PCDHGA9: variants seen among roughly 807,000 people sequenced by gnomAD.
PCDHGA9 encodes protocadherin gamma subfamily A, 9.
PCDHGA9 carries 37 observed loss-of-function variants against 62.5 expected under a neutral mutation model. That is an observed-to-expected ratio of 0.59 (90% confidence interval 0.46 to 0.78). The LOEUF (loss-of-function observed/expected upper bound fraction) is 0.78. Ranked by LOEUF, PCDHGA9 falls within the 30% of genes least tolerant of loss-of-function variation. The probability of loss-of-function intolerance (pLI) is 0.00; values close to 1 mark genes in which losing one functional copy is unlikely to be tolerated. For missense variants in PCDHGA9, 1,138 were observed against 1,166.2 expected (o/e 0.98, Z 0.35); for synonymous variants, 459 against 484.6 (o/e 0.95, Z 0.69).
chr5:141,427,103 G>A (rs1216465844), intron 1 of PCDHGA9: 3 of 457,888 alleles, frequency 6.6e-6, no homozygotes, highest in Non-Finnish European at 1.3e-5. Flanking sequence ...GTGTCAATGC[G>A]GAGATCACCT....
chr5:141,501,374 T>A (rs2099808767), intron 2 of PCDHGA9, among the ~76,000 whole-genome samples: 1 of 151,106 alleles, frequency 6.6e-6, no homozygotes. Context: ...CATCATCTCT[T>A]AAATCCTAGG....
At chr5:141,497,733 T>G (rs2099779006) in intron 2 of PCDHGA9, among the ~76,000 whole-genome samples, 2 of 152,078 alleles carry the variant, frequency 1.3e-5, no homozygotes, top group Non-Finnish European at 2.9e-5. Context: ...AGAGATGGGT[T>G]TCGCCACGTT....
chr5:141,489,894 G>T lies in PCDHGA9; in HGVS notation c.2425-4913G>T. 1.2e-6 allele frequency: 2 copies of T among 1,614,204 alleles called. No homozygotes were observed. Among genetic ancestry groups the T allele is most frequent in the Non-Finnish European group, 1.7e-6 (2 of 1,180,028 alleles). The stretch of plus-strand genomic sequence containing the variant: ...TGGTGCTTACTGCTGTGGATGGGGG[G>T]ACCCCAGCCCGCTCAGGGACCACCC... On this transcript the variant is annotated intron_variant, in intron 1 of 3. Transcript: ENST00000573521. The surrounding 1 kb of genome is among the most constrained non-coding windows in gnomAD (Gnocchi z 4.5).
At position 141,473,164 on chromosome 5, in the gene PCDHGA9, G is replaced by A. The variant is rs190029663; in HGVS notation, c.2425-21643G>A. Among the ~76,000 whole-genome samples the A allele has an allele frequency of 1.6e-3, 241 of 152,250 alleles. 5 individuals carry two copies. The highest frequency in any genetic ancestry group is 2.1e-4 in the Non-Finnish European group (14 of 68,014). ...TCTTCAGATCACTAGGGCTAGGAAG[G>A]CCCACTGGTAACTTGAAGGAGTAAA... On this transcript the variant is annotated intron_variant, in intron 1 of 3. Transcript: ENST00000573521.
intron 1 of PCDHGA9, among the ~76,000 whole-genome samples, chr5:141,450,397 C>T (rs529143168): frequency 6.6e-6 from 1 of 152,300 alleles, no homozygotes; most frequent in South Asian, 2.1e-4. Flanking sequence ...TTTGTAAAGA[C>T]TAGAAGCCAT....
chr5:141,477,571 C>A lies in PCDHGA9; in HGVS notation c.2425-17236C>A, dbSNP rs1470454976. ...TAAACCTAAGTGTCTGGGACCCCGA[C>A]GCCCCGCAGAATGCTCGGCTTTCTT... is the stretch of plus-strand genomic sequence containing the variant. On this transcript the variant is annotated intron_variant, in intron 1 of 3. Coordinates refer to ENST00000573521, the MANE Select transcript of PCDHGA9 (RefSeq NM_018921.3). The surrounding 1 kb of genome is among the most constrained non-coding windows in gnomAD (Gnocchi z 4.9). The A allele has an allele frequency of 3.1e-6, 5 of 1,614,042 alleles. No homozygotes were observed. In the South Asian group the frequency reaches 4.4e-5, roughly 14 times the overall value.
intron 1 of PCDHGA9, among the ~76,000 whole-genome samples, chr5:141,467,075 C>A (rs2099136382): frequency 6.9e-6 from 1 of 145,470 alleles, no homozygotes; most frequent in Non-Finnish European, 1.5e-5. Flanking sequence ...TTTTTTTAGA[C>A]CAAGTCTCAC....
chr5:141,411,193 AAAAC>A (rs1267742802), intron 1 of PCDHGA9: 2 of 152,212 alleles, frequency 1.3e-5, no homozygotes, highest in African/African-American at 4.8e-5. Flanking sequence ...GGCATCTAAG[AAAAC>A]AAACAAGTAA....
At chr5:141,508,823 G>A (rs1445894402) in intron 3 of PCDHGA9, among the ~76,000 whole-genome samples, 1 of 151,966 alleles carries the variant, frequency 6.6e-6, no homozygotes, top group Admixed American at 6.6e-5. Flanking sequence ...GCCAGATCTG[G>A]GCCCCCCTCC....
chr5:141,421,058 A>G, intron 1 of PCDHGA9: 2 of 577,316 alleles, frequency 3.5e-6, no homozygotes, highest in Non-Finnish European at 3.0e-6. Context: ...TCTACCACAC[A>G]AAGCGGAATG....
intron 1 of PCDHGA9, among the ~76,000 whole-genome samples, chr5:141,433,397 A>ATCTATCTG (rs1554126017): frequency 5.3e-5 from 8 of 150,410 alleles, no homozygotes; most frequent in Non-Finnish European, 1.2e-4. Context: ...CTATCTATCT[A>ATCTATCTG]TCTATCTATT....
intron 1 of PCDHGA9, chr5:141,478,450 AGCCAGTCCACTGGCCAGCC>A (rs1562070520): frequency 6.2e-7 from 1 of 1,613,572 alleles, no homozygotes. Context: ...AACCTGGTGC[AGCCAGTCCACTGGCCAGCC>A]GCCAGAACAC....
chr5:141,436,600 G>C (rs1054182433), intron 1 of PCDHGA9, among the ~76,000 whole-genome samples: 2 of 152,154 alleles, frequency 1.3e-5, no homozygotes, highest in African/African-American at 2.4e-5. Context: ...CGTGGTGATG[G>C]CTAGGGCTAA....
At chr5:141,426,756 G>C in intron 1 of PCDHGA9, 1 of 456,302 alleles carries the variant, frequency 2.2e-6, no homozygotes, top group Non-Finnish European at 4.4e-6. Context: ...ATCTGCTATA[G>C]ATGCAGATGT....
At chr5:141,469,792 A>G (rs989190786) in intron 1 of PCDHGA9, among the ~76,000 whole-genome samples, 1 of 152,194 alleles carries the variant, frequency 6.6e-6, no homozygotes, top group African/African-American at 2.4e-5. Flanking sequence ...GTTATTTGTA[A>G]TTGCAAAAAC....
chr5:141,451,593 C>A (rs2098719809), intron 1 of PCDHGA9, among the ~76,000 whole-genome samples: 1 of 152,042 alleles, frequency 6.6e-6, no homozygotes, highest in African/African-American at 2.4e-5. Context: ...TTGAAAGTGA[C>A]ATACAAGGCT....
chr5:141,509,233 AG>A (rs1204393769), intron 3 of PCDHGA9, among the ~76,000 whole-genome samples: 1 of 152,104 alleles, frequency 6.6e-6, no homozygotes, highest in Non-Finnish European at 1.5e-5. Context: ...TTGATGTCCC[AG>A]GATTACTCAG....
intron 1 of PCDHGA9, chr5:141,408,648 G>A: frequency 2.5e-6 from 4 of 1,613,922 alleles, no homozygotes; most frequent in South Asian, 2.2e-5. Flanking sequence ...GCATCCGCTG[G>A]TACACGACTA....
rs1173771781 is a variant in PCDHGA9 at position 141,486,312 on chromosome 5, G to A, written c.2425-8495G>A. Reference sequence around the variant, plus strand: ...ATCAGTGTGCAGGATCCAGACTCAGGGTCAAACGGAGATGTGAGCCTCCGC... The same window carrying A: ...ATCAGTGTGCAGGATCCAGACTCAGAGTCAAACGGAGATGTGAGCCTCCGC... On this transcript the variant is annotated intron_variant, in intron 1 of 3. Coordinates refer to ENST00000573521, the MANE Select transcript of PCDHGA9 (RefSeq NM_018921.3). The surrounding 1 kb of genome is among the most constrained non-coding windows in gnomAD (Gnocchi z 5.0). The A allele has an allele frequency of 1.2e-6, 2 of 1,613,864 alleles. No individual in the cohort carries two copies. Among genetic ancestry groups the A allele is most frequent in the African/African-American group, 1.3e-5 (1 of 74,842 alleles).
Sources: allele counts gnomAD v4.1 joint callset (sites outside exome capture counted in the v4.1 genomes callset), GRCh38; gene constraint gnomAD v4.1.1; non-coding constraint Gnocchi (gnomAD v3.1); transcripts MANE v1.5; gene names NCBI Gene and HGNC (gene_info 2026-07-23, HGNC 2026-07-21).